Variants in SAMMSON observed in about 807,000 individuals in gnomAD.
SAMMSON encodes the protein survival associated mitochondrial melanoma specific oncogenic non-coding RNA.
chr3:70,041,830 C>T (rs1319233861), intron 3 of SAMMSON, among the ~76,000 whole-genome samples: 2 of 151,954 alleles, frequency 1.3e-5, no homozygotes, highest in African/African-American at 4.8e-5. Flanking sequence ...CCCATAGATA[C>T]AGAGGGATGC....
chr3:70,139,573 C>T (rs1417472906), intron 4 of SAMMSON, among the ~76,000 whole-genome samples: 1 of 152,144 alleles, frequency 6.6e-6, no homozygotes, highest in Non-Finnish European at 1.5e-5. Context: ...GCAGCCATGC[C>T]TCTACAGCTT....
intron 6 of SAMMSON, among the ~76,000 whole-genome samples, chr3:70,280,955 G>A (rs1306314668): frequency 6.6e-6 from 1 of 152,062 alleles, no homozygotes; most frequent in African/African-American, 2.4e-5. Context: ...TACCCTTTTT[G>A]TGTGATCGTA....
At chr3:70,285,103 T>A (rs1360892159) in intron 6 of SAMMSON, among the ~76,000 whole-genome samples, 2 of 151,622 alleles carry the variant, frequency 1.3e-5, no homozygotes, top group African/African-American at 4.8e-5. Flanking sequence ...CATGTGCACA[T>A]TGTGCAGGTT....
At chr3:70,415,000 A>G (rs1236198096) in intron 2 of SAMMSON, among the ~76,000 whole-genome samples, 2 of 152,132 alleles carry the variant, frequency 1.3e-5, no homozygotes, top group Admixed American at 1.3e-4. Context: ...AGATCCATGC[A>G]TATAGAGAAA....
chr3:70,209,813 A>G (rs1701325619), intron 4 of SAMMSON, among the ~76,000 whole-genome samples: 1 of 152,108 alleles, frequency 6.6e-6, no homozygotes, highest in African/African-American at 2.4e-5. Context: ...AGCCTTGCAA[A>G]TAGCTGGGTT....
intron 4 of SAMMSON, among the ~76,000 whole-genome samples, chr3:70,196,740 G>A (rs1294827524): frequency 6.6e-6 from 1 of 152,170 alleles, no homozygotes; most frequent in Non-Finnish European, 1.5e-5. Context: ...ATGCGGTTGT[G>A]AAATTTGGAA....
At chr3:70,093,345 A>AAAAACT (rs1209267049) in intron 4 of SAMMSON, among the ~76,000 whole-genome samples, 1 of 152,160 alleles carries the variant, frequency 6.6e-6, no homozygotes, top group Admixed American at 6.6e-5. Context: ...TGAGGCTACC[A>AAAAACT]AAAACTAAAC....
At chr3:70,337,192 T>G in intron 7 of SAMMSON, among the ~76,000 whole-genome samples, 1 of 145,834 alleles carries the variant, frequency 6.9e-6, no homozygotes, top group Admixed American at 6.9e-5. Context: ...AATATGTAAC[T>G]TAATAATATA....
At chr3:70,130,717 G>T (rs1349168631) in intron 4 of SAMMSON, among the ~76,000 whole-genome samples, 3 of 152,070 alleles carry the variant, frequency 2.0e-5, no homozygotes, top group African/African-American at 7.2e-5. Context: ...ACATGTTCTA[G>T]CCAACACCTT....
intron 6 of SAMMSON, among the ~76,000 whole-genome samples, chr3:70,286,996 T>A (rs1248092783): frequency 6.7e-6 from 1 of 149,746 alleles, no homozygotes; most frequent in Non-Finnish European, 1.5e-5. Flanking sequence ...AATCATGTCG[T>A]CTGCAAACAG....
chr3:70,431,833 AC>A (rs1400365857), intron 2 of SAMMSON, among the ~76,000 whole-genome samples: 1 of 152,064 alleles, frequency 6.6e-6, no homozygotes, highest in Non-Finnish European at 1.5e-5. Flanking sequence ...AATGGATCAC[AC>A]AGCATGTATT....
At chr3:70,188,787 A>G (rs1342663093) in intron 4 of SAMMSON, among the ~76,000 whole-genome samples, 1 of 152,226 alleles carries the variant, frequency 6.6e-6, no homozygotes, top group Non-Finnish European at 1.5e-5. Flanking sequence ...ATCATCTAGC[A>G]ACCTGAGGCT....
intron 4 of SAMMSON, chr3:70,205,571 C>T: frequency 6.6e-6 from 1 of 152,112 alleles, no homozygotes. Context: ...TGATCCCCAA[C>T]ATACCCCATG....
downstream of SAMMSON, among the ~76,000 whole-genome samples, chr3:70,390,835 C>G (rs1311302367): frequency 6.6e-6 from 1 of 152,096 alleles, no homozygotes; most frequent in Non-Finnish European, 1.5e-5. Context: ...AGTCTTGTAA[C>G]TTTCCAAAAC....
At chr3:70,224,579 G>A (rs1332663078) in intron 4 of SAMMSON, among the ~76,000 whole-genome samples, 1 of 152,184 alleles carries the variant, frequency 6.6e-6, no homozygotes, top group African/African-American at 2.4e-5. Flanking sequence ...CTCACTAAGT[G>A]TCTGACTTTA....
chr3:70,369,752 A>G (rs1361385302), intron 9 of SAMMSON, among the ~76,000 whole-genome samples: 5 of 151,888 alleles, frequency 3.3e-5, no homozygotes, highest in Admixed American at 2.0e-4. Context: ...AGAGTGTATA[A>G]CAAACCAGTC....
chr3:70,354,328 C>T (rs957951734), intron 8 of SAMMSON: 1 of 151,960 alleles, frequency 6.6e-6, no homozygotes, highest in African/African-American at 2.4e-5. Context: ...TTGTTCTATA[C>T]TCAAACTTTA....
intron 6 of SAMMSON, among the ~76,000 whole-genome samples, chr3:70,269,590 G>T (rs1256454111): frequency 6.6e-6 from 1 of 152,076 alleles, no homozygotes; most frequent in Admixed American, 6.6e-5. Context: ...TTGGTTCAGG[G>T]GCTGCCCAGT....
chr3:70,428,388 T>C lies in SAMMSON; in HGVS notation n.234-34172T>C, dbSNP rs576454200. On this transcript the variant is annotated intron_variant and non_coding_transcript_variant, in intron 2 of 3. Transcript: ENST00000641053. ...TATAGAATTGGCTTCAAGATAGACATGTAAAACAATAGAAAATAATAAAGT... is the reference window on the plus strand; with the variant it reads ...TATAGAATTGGCTTCAAGATAGACACGTAAAACAATAGAAAATAATAAAGT... 4.6e-5 allele frequency among the ~76,000 whole-genome samples: 7 copies of C among 152,292 alleles called. No individual in the cohort carries two copies. In the South Asian group the frequency reaches 1.5e-3, roughly 32 times the overall value.
Sources: allele counts gnomAD v4.1 joint callset (sites outside exome capture counted in the v4.1 genomes callset), GRCh38; gene constraint gnomAD v4.1.1; transcripts MANE v1.5; gene names NCBI Gene and HGNC (gene_info 2026-07-23, HGNC 2026-07-21).